The following TMEM135 variants were observed in gnomAD, a reference collection of about 807,000 sequenced individuals.
The protein encoded by TMEM135 is transmembrane protein 135, also known as peroxisomal membrane protein 52.
In TMEM135, 30 loss-of-function variants were observed where a neutral mutation model predicts 60.3. The ratio of observed to expected loss-of-function variants is 0.50; its 90% CI spans 0.37 to 0.68. The LOEUF is 0.68. Among genes scored for constraint, TMEM135 ranks in the 30% least tolerant of loss-of-function variants. The pLI, the probability that TMEM135 is intolerant of heterozygous loss-of-function variation, is 0.00. For synonymous variants in TMEM135, 190 were observed against 186.7 expected (o/e 1.02, Z -0.14); for missense variants, 468 against 548.8 (o/e 0.85, Z 1.47).
chr11:87,219,302 A>C (rs1940568703), intron 5 of TMEM135, among the ~76,000 whole-genome samples: 2 of 152,332 alleles, frequency 1.3e-5, no homozygotes, highest in South Asian at 4.1e-4. Context: ...TGGCTTATTC[A>C]ATAGAAATTT....
rs1240356365 is a variant in TMEM135, at chr11:87,152,678, C to T, written c.397-4663C>T. On this transcript the variant is annotated intron_variant, in intron 4 of 14. Coordinates refer to ENST00000305494, the MANE Select transcript of TMEM135 (RefSeq NM_022918.4). The stretch of plus-strand genomic sequence containing the variant: ...GGTCTCCAACTCCTGACCTCAGGCG[C>T]CCCACCCGCCTCGGCCTCCCAAGGT... Among the ~76,000 whole-genome samples the T allele has an allele frequency of 2.0e-5, 3 of 152,058 alleles. No individual in the cohort carries two copies. In the East Asian group the frequency reaches 5.8e-4, roughly 29 times the overall value.
intron 5 of TMEM135, among the ~76,000 whole-genome samples, chr11:87,200,993 A>G (rs1475332078): frequency 6.6e-6 from 1 of 152,200 alleles, no homozygotes; most frequent in East Asian, 1.9e-4. Flanking sequence ...TTGGTGCTGA[A>G]TATTAATCCA....
chr11:87,304,530 C>G (rs922217058), intron 8 of TMEM135, among the ~76,000 whole-genome samples: 7 of 152,226 alleles, frequency 4.6e-5, no homozygotes, highest in Non-Finnish European at 8.8e-5. Context: ...AGGTCTCCAG[C>G]TTTAATCACT....
At chr11:87,076,141 G>C (rs537549399) in intron 3 of TMEM135, among the ~76,000 whole-genome samples, 1 of 152,304 alleles carries the variant, frequency 6.6e-6, no homozygotes, top group South Asian at 2.1e-4. Context: ...AAGTTCTCCC[G>C]GGCCCTGGGC....
intron 5 of TMEM135, among the ~76,000 whole-genome samples, chr11:87,234,416 T>C (rs1309104263): frequency 2.0e-5 from 3 of 152,086 alleles, no homozygotes; most frequent in Admixed American, 1.3e-4. Context: ...AATATTTGTT[T>C]AATGAATCAG....
intron 5 of TMEM135, among the ~76,000 whole-genome samples, chr11:87,175,824 A>G (rs1393995114): frequency 2.0e-5 from 3 of 152,182 alleles, no homozygotes; most frequent in Admixed American, 2.0e-4. Flanking sequence ...AATGTATTAG[A>G]AGACACAGGC....
intron 3 of TMEM135, among the ~76,000 whole-genome samples, chr11:87,083,089 C>A (rs1857024962): frequency 6.6e-6 from 1 of 151,900 alleles, no homozygotes; most frequent in South Asian, 2.1e-4. Context: ...CATCAATTAC[C>A]CCCTCCCTTT....
chr11:87,275,413 A>C (rs1279439529), intron 6 of TMEM135, among the ~76,000 whole-genome samples: 2 of 152,056 alleles, frequency 1.3e-5, no homozygotes, highest in African/African-American at 4.8e-5. Flanking sequence ...GGGTGACCAT[A>C]TGTTCTAAGG....
chr11:87,305,796 T>TAAAGAAAG, intron 8 of TMEM135, 140 bp from the exon 9 acceptor site: 1 of 368,118 alleles, frequency 2.7e-6, no homozygotes, highest in Middle Eastern at 8.3e-4. Context: ...AATAAATAAA[T>TAAAGAAAG]AAATAAATAA....
At chr11:87,109,654 CA>C (rs763541682) in intron 4 of TMEM135, among the ~76,000 whole-genome samples, 6 of 152,118 alleles carry the variant, frequency 3.9e-5, no homozygotes, top group Admixed American at 6.5e-5. Flanking sequence ...CCATGGAAAA[CA>C]AAACCATGGA....
chr11:87,259,187 C>A, intron 6 of TMEM135: 1 of 546,882 alleles, frequency 1.8e-6, no homozygotes. Context: ...CCTCCAACTC[C>A]TCCTTAGTCT....
intron 9 of TMEM135, among the ~76,000 whole-genome samples, chr11:87,307,548 A>C (rs118113566): frequency 0.036 from 5,502 of 152,228 alleles, 94 homozygotes; most frequent in Admixed American, 0.046. Context: ...GGCGTGGGGA[A>C]GGTGATATTA....
chr11:87,202,007 T>A (rs28673027), intron 5 of TMEM135, among the ~76,000 whole-genome samples: 3 of 63,594 alleles, frequency 4.7e-5, no homozygotes, highest in South Asian at 4.8e-4. Context: ...TATGTTATGT[T>A]ATGTAATGTT....
chr11:87,245,653 A>G (rs1455266311), intron 6 of TMEM135, among the ~76,000 whole-genome samples: 2 of 135,686 alleles, frequency 1.5e-5, no homozygotes, highest in East Asian at 4.0e-4. Flanking sequence ...AGTCTGTTTT[A>G]TCAGAGACTA....
At chr11:87,199,567 T>G (rs138502392) in intron 5 of TMEM135, among the ~76,000 whole-genome samples, 2 of 152,192 alleles carry the variant, frequency 1.3e-5, no homozygotes, top group Non-Finnish European at 2.9e-5. Flanking sequence ...TAGATACATA[T>G]AGATTTCTAG....
At chr11:87,241,827 T>C (rs889607465) in intron 6 of TMEM135, among the ~76,000 whole-genome samples, 1 of 142,388 alleles carries the variant, frequency 7.0e-6, no homozygotes, top group African/African-American at 2.6e-5. Context: ...TCCATGTTGC[T>C]GCAAATGACA....
intron 6 of TMEM135, among the ~76,000 whole-genome samples, chr11:87,272,785 T>G (rs753796328): frequency 1.3e-5 from 2 of 152,210 alleles, no homozygotes; most frequent in African/African-American, 4.8e-5. Context: ...TGATTCTGAT[T>G]GATACTCTGA....
At chr11:87,268,169 C>CTTTCT (rs1215013766) in intron 6 of TMEM135, among the ~76,000 whole-genome samples, 10 of 110,658 alleles carry the variant, frequency 9.0e-5, no homozygotes, top group South Asian at 8.2e-4. Flanking sequence ...CTTTCCTTTC[C>CTTTCT]TTTCTTTTCT....
intron 6 of TMEM135, among the ~76,000 whole-genome samples, chr11:87,266,803 G>C (rs145098543): frequency 2.0e-5 from 3 of 152,190 alleles, no homozygotes; most frequent in African/African-American, 4.8e-5. Flanking sequence ...GTGGTTTGAC[G>C]TACTTGTTTT....
Sources: allele counts gnomAD v4.1 joint callset (sites outside exome capture counted in the v4.1 genomes callset), GRCh38; gene constraint gnomAD v4.1.1; transcripts MANE v1.5; gene names NCBI Gene and HGNC (gene_info 2026-07-23, HGNC 2026-07-21).